The following ARHGAP26 variants were observed in gnomAD, a reference collection of about 807,000 sequenced individuals.
ARHGAP26 encodes rho GTPase-activating protein 26.
A neutral mutation model predicts 104.8 loss-of-function variants in ARHGAP26; 38 were observed. That is an observed-to-expected ratio of 0.36 (90% CI 0.28 to 0.48). The LOEUF is 0.48. Among genes scored for constraint, ARHGAP26 ranks in the 20% least tolerant of loss-of-function variants. The pLI, the probability that ARHGAP26 is intolerant of heterozygous loss-of-function variation, is 0.99. For synonymous variants in ARHGAP26, 341 were observed against 340.0 expected, an observed-to-expected ratio of 1.00 and a Z score of -0.03; for missense variants, 704 against 947.9, an observed-to-expected ratio of 0.74 and a Z score of 3.38.
chr5:143,114,486 T>C (rs1350871733), intron 17 of ARHGAP26, among the ~76,000 whole-genome samples: 2 of 152,152 alleles, frequency 1.3e-5, no homozygotes, highest in Non-Finnish European at 2.9e-5. Context: ...AGAACCAAAT[T>C]AACAGCCCTG....
intron 12 of ARHGAP26, among the ~76,000 whole-genome samples, chr5:143,031,633 A>G (rs781457838): frequency 6.6e-6 from 1 of 150,832 alleles, no homozygotes; most frequent in African/African-American, 2.5e-5. Context: ...ATGAGGTCCC[A>G]GAAGCTTCAG....
intron 1 of ARHGAP26, among the ~76,000 whole-genome samples, chr5:142,830,232 T>G (rs1006520680): frequency 1.3e-5 from 2 of 152,238 alleles, no homozygotes; most frequent in African/African-American, 4.8e-5. Context: ...TGCTCAGGAT[T>G]GCTAGCATTT....
chr5:142,783,156 G>A (rs540603894), intron 1 of ARHGAP26, among the ~76,000 whole-genome samples: 13 of 152,326 alleles, frequency 8.5e-5, no homozygotes, highest in African/African-American at 3.1e-4. Flanking sequence ...CTCCAGCCTC[G>A]TGGGCACATC....
chr5:142,919,460 A>T (rs1413190811), intron 10 of ARHGAP26: 1 of 398,410 alleles, frequency 2.5e-6, no homozygotes, highest in East Asian at 3.6e-5. Context: ...AGTTTGTGGC[A>T]CTTTGTTACG....
At chr5:142,788,173 G>C (rs368629386) in intron 1 of ARHGAP26, among the ~76,000 whole-genome samples, 2 of 151,738 alleles carry the variant, frequency 1.3e-5, no homozygotes, top group African/African-American at 4.8e-5. Context: ...GCTTATTTTT[G>C]TATTTTTAGT....
intron 1 of ARHGAP26, among the ~76,000 whole-genome samples, chr5:142,837,536 A>G (rs1451269548): frequency 6.6e-6 from 1 of 152,198 alleles, no homozygotes; most frequent in Non-Finnish European, 1.5e-5. Context: ...TTAGGCTTGC[A>G]GTGGCCAGTT....
intron 14 of ARHGAP26, among the ~76,000 whole-genome samples, chr5:143,043,119 ATTAAT>A (rs1435249496): frequency 6.6e-6 from 1 of 152,230 alleles, no homozygotes; most frequent in Non-Finnish European, 1.5e-5. Flanking sequence ...AAATATTGGC[ATTAAT>A]TTAGTCAAGA....
At chr5:143,017,995 C>T (rs1779821806) in intron 12 of ARHGAP26, among the ~76,000 whole-genome samples, 1 of 152,218 alleles carries the variant, frequency 6.6e-6, no homozygotes, top group African/African-American at 2.4e-5. Flanking sequence ...TCCATTCCTG[C>T]CAACTCTCAC....
chr5:142,772,255 A>G (rs1285694918), intron 1 of ARHGAP26, among the ~76,000 whole-genome samples: 5 of 152,266 alleles, frequency 3.3e-5, no homozygotes, highest in African/African-American at 4.8e-5. Flanking sequence ...AAATGAACAC[A>G]GGACTGTGAT....
chr5:142,992,198 G>C (rs1487757187), intron 11 of ARHGAP26, among the ~76,000 whole-genome samples: 1 of 151,810 alleles, frequency 6.6e-6, no homozygotes, highest in Non-Finnish European at 1.5e-5. Context: ...AAGGCTGTGA[G>C]ATACTTTATG....
At chr5:142,975,839 G>A (rs1464835218) in intron 11 of ARHGAP26, among the ~76,000 whole-genome samples, 2 of 152,202 alleles carry the variant, frequency 1.3e-5, no homozygotes, top group Non-Finnish European at 2.9e-5. Flanking sequence ...TGGTTGAGGT[G>A]TACCATACAT....
chr5:142,956,441 G>A (rs1451302391), intron 11 of ARHGAP26, among the ~76,000 whole-genome samples: 2 of 152,086 alleles, frequency 1.3e-5, no homozygotes, highest in Non-Finnish European at 2.9e-5. Context: ...GCCAAGTGTG[G>A]TGGTCCATGC....
chr5:143,152,108 G>T (rs1402288853), intron 20 of ARHGAP26, among the ~76,000 whole-genome samples: 1 of 152,164 alleles, frequency 6.6e-6, no homozygotes, highest in Non-Finnish European at 1.5e-5. Context: ...GGAGCACAGG[G>T]TATTTTTTTC....
At position 143,012,578 on chromosome 5, in the gene ARHGAP26, A is replaced by ATATGG. The variant is rs1554195776; in HGVS notation, c.1108-1501_1108-1500insATGGT. Among the ~76,000 whole-genome samples, 16 of 16,338 alleles carry ATATGG rather than the reference A, an allele frequency of 9.8e-4. 1 individual carries two copies. The highest frequency in any genetic ancestry group is 2.1e-3 in the South Asian group (2 of 938). 10.7% of individuals were successfully genotyped at this position (16,338 alleles called of 152,430 possible). ...ATATATATATATATATATATATATT[A>ATATGG]TGATCAGGTTCACCTTATGCCTTTC... On this transcript the variant is annotated intron_variant, in intron 11 of 22. Transcript: ENST00000645722.
intron 19 of ARHGAP26, among the ~76,000 whole-genome samples, chr5:143,143,231 C>T (rs1040162953): frequency 1.3e-5 from 2 of 152,102 alleles, no homozygotes; most frequent in East Asian, 1.9e-4. Flanking sequence ...CAGACCTGTT[C>T]GGGCCTGCCA....
chr5:142,898,834 A>T (rs2152444221), intron 6 of ARHGAP26, among the ~76,000 whole-genome samples: 1 of 152,234 alleles, frequency 6.6e-6, no homozygotes, highest in East Asian at 1.9e-4. Flanking sequence ...GCCTGTGCGG[A>T]TGATTCTTGG....
chr5:142,778,663 G>T (rs958596251), intron 1 of ARHGAP26, among the ~76,000 whole-genome samples: 1 of 152,174 alleles, frequency 6.6e-6, no homozygotes, highest in South Asian at 2.1e-4. Context: ...ATTAGAAGGC[G>T]TGCTGCAGTG....
chr5:143,156,297 C>T lies in ARHGAP26; in HGVS notation c.1988+8916C>T, dbSNP rs753581110. On this transcript the variant is annotated intron_variant, in intron 20 of 22. Coordinates refer to ENST00000645722, the MANE Select transcript of ARHGAP26 (RefSeq NM_001135608.3). The stretch of plus-strand genomic sequence containing the variant: ...CTAGGAAAGCATTCCTAGTTGGAAA[C>T]AGCCTTAGAATCTTGTTTTTAACTC... Among the ~76,000 whole-genome samples the T allele has an allele frequency of 1.4e-3, 217 of 152,180 alleles. 4 individuals carry two copies. Among genetic ancestry groups the T allele is most frequent in the Non-Finnish European group, 4.4e-4 (30 of 68,018 alleles).
intron 21 of ARHGAP26, among the ~76,000 whole-genome samples, chr5:143,211,170 T>C (rs565486394): frequency 6.6e-6 from 1 of 152,154 alleles, no homozygotes; most frequent in Non-Finnish European, 1.5e-5. Context: ...AAGATAAGAC[T>C]TTTTGGGTAG....
Sources: allele counts gnomAD v4.1 joint callset (sites outside exome capture counted in the v4.1 genomes callset), GRCh38; gene constraint gnomAD v4.1.1; transcripts MANE v1.5; gene names NCBI Gene and HGNC (gene_info 2026-07-23, HGNC 2026-07-21).